Variants in PLSCR5 observed in about 807,000 individuals in gnomAD.
PLSCR5 encodes the protein phospholipid scramblase family member 5.
Under a neutral mutation model 33.6 loss-of-function variants are expected in PLSCR5, and 44 were observed. The observed-to-expected ratio is 1.31, with a 90% CI of 1.03 to 1.69. PLSCR5 has a LOEUF of 1.69. PLSCR5 is among the 40% of genes most tolerant of loss of function. PLSCR5 has a pLI of 0.00. For missense variants in PLSCR5, 375 were observed against 318.7 expected (o/e 1.18, Z -1.34); for synonymous variants, 148 against 112.3 (o/e 1.32, Z -2.01).
intron 7 of PLSCR5, among the ~76,000 whole-genome samples, chr3:146,578,561 AAC>A (rs1227506528): frequency 1.3e-5 from 2 of 152,102 alleles, no homozygotes; most frequent in African/African-American, 2.4e-5. Flanking sequence ...ACAAAAAGCT[AAC>A]AGTTTTGTAA....
intron 4 of PLSCR5, among the ~76,000 whole-genome samples, chr3:146,592,944 A>G (rs1054541279): frequency 5.3e-5 from 8 of 152,192 alleles, no homozygotes; most frequent in Admixed American, 5.2e-4. Context: ...CTTGGGCTCC[A>G]TGCACGAGCA....
intron 5 of PLSCR5, among the ~76,000 whole-genome samples, chr3:146,590,915 T>C (rs1231042797): frequency 6.6e-6 from 1 of 152,048 alleles, no homozygotes; most frequent in Admixed American, 6.6e-5. Flanking sequence ...TTAAGATAGT[T>C]TATATTGCTA....
chr3:146,594,987 A>G, intron 3 of PLSCR5, 54 bp downstream of exon 3: 1 of 1,160,154 alleles, frequency 8.6e-7, no homozygotes, highest in South Asian at 2.6e-5. Flanking sequence ...ACTTCTGAAA[A>G]CTAAAATATT....
intron 6 of PLSCR5, among the ~76,000 whole-genome samples, chr3:146,588,944 T>TC (rs1431957938): frequency 7.4e-6 from 1 of 135,994 alleles, no homozygotes; most frequent in Non-Finnish European, 1.7e-5. Context: ...TGTGTTTATA[T>TC]ATCAACAAAT....
rs573239212 is a variant in PLSCR5, at chr3:146,580,710, G to A, written c.*45-3985C>T. On this transcript the variant is annotated intron_variant, in intron 7 of 7. Transcript: ENST00000482567. ...ACTCCTGAGCTCAGGCAAGCCGCCCGCCTTGGCCTCTCAAAGTGCTGGGAT... is the reference window on the plus strand; with the variant it reads ...ACTCCTGAGCTCAGGCAAGCCGCCCACCTTGGCCTCTCAAAGTGCTGGGAT... 2.0e-5 allele frequency among the ~76,000 whole-genome samples: 3 copies of A among 152,186 alleles called. No individual in the cohort carries two copies. The East Asian group carries it at 5.8e-4, about 29-fold the overall frequency.
chr3:146,597,170 G>A (rs1299248044), intron 2 of PLSCR5, among the ~76,000 whole-genome samples: 1 of 152,092 alleles, frequency 6.6e-6, no homozygotes, highest in African/African-American at 2.4e-5. Context: ...ATTAATTGAA[G>A]TCCACCTGAC....
chr3:146,590,447 T>G (rs1160975548), intron 5 of PLSCR5: 1 of 152,042 alleles, frequency 6.6e-6, no homozygotes, highest in Non-Finnish European at 1.5e-5. Context: ...ATGTACCATA[T>G]AGGAAGTTAA....
intron 2 of PLSCR5, 131 bp downstream of exon 2, chr3:146,600,157 A>G: frequency 1.5e-6 from 1 of 648,498 alleles, no homozygotes; most frequent in Admixed American, 4.4e-5. Flanking sequence ...TAATTTTATG[A>G]TTTATAATGC....
downstream of PLSCR5, among the ~76,000 whole-genome samples, chr3:146,580,947 C>T (rs1267667497): frequency 6.6e-6 from 1 of 152,132 alleles, no homozygotes. Context: ...TGATTGTTCA[C>T]TCCTTGCATT....
At chr3:146,588,271 C>T (rs2044681099) in intron 6 of PLSCR5, among the ~76,000 whole-genome samples, 1 of 152,032 alleles carries the variant, frequency 6.6e-6, no homozygotes, top group African/African-American at 2.4e-5. Context: ...AAGATCGAGA[C>T]CATCCTGGCT....
At chr3:146,596,311 C>T (rs1188227494) in intron 2 of PLSCR5, among the ~76,000 whole-genome samples, 2 of 152,124 alleles carry the variant, frequency 1.3e-5, no homozygotes, top group African/African-American at 4.8e-5. Flanking sequence ...GCCTCAGCCA[C>T]CTGAGCAGTT....
intron 1 of PLSCR5, among the ~76,000 whole-genome samples, chr3:146,603,929 C>T (rs754136197): frequency 6.6e-6 from 1 of 151,988 alleles, no homozygotes; most frequent in African/African-American, 2.4e-5. Context: ...TTTGTGTGAG[C>T]TTTCTCAGTG....
intron 2 of PLSCR5, among the ~76,000 whole-genome samples, chr3:146,599,758 G>T (rs2044795266): frequency 6.6e-6 from 1 of 150,472 alleles, no homozygotes; most frequent in Non-Finnish European, 1.5e-5. Flanking sequence ...GCTCATTGTA[G>T]CCTTGACCTT....
intron 2 of PLSCR5, among the ~76,000 whole-genome samples, chr3:146,596,222 T>C (rs1016887386): frequency 2.0e-5 from 3 of 152,234 alleles, no homozygotes; most frequent in Admixed American, 6.5e-5. Flanking sequence ...AGAGTTCAGC[T>C]TTGTGGCCCA....
chr3:146,580,369 C>T (rs1042452056), intron 7 of PLSCR5, among the ~76,000 whole-genome samples: 1 of 69,336 alleles, frequency 1.4e-5, no homozygotes, highest in East Asian at 4.3e-4. Flanking sequence ...TCATTTCTCT[C>T]TCTTCTTGTT....
rs565135324 is a variant in PLSCR5, at chr3:146,586,045, A to G, written c.*29T>C. 62 of 1,472,756 alleles carry G rather than the reference A, an allele frequency of 4.2e-5. No homozygotes were observed. The East Asian group carries it at 4.8e-4, about 11-fold the overall frequency. The allele number at this position is 1,472,756 out of a possible 1,614,324, so 91.2% of individuals were successfully genotyped here. ...TTTTACTTACTGAAATATGTTCTGC[A>G]TATTTTATTGTTTTCATTATCTTGG... On this transcript the variant is annotated 3_prime_UTR_variant, in exon 7 of 8. Coordinates refer to ENST00000443512, the MANE Select transcript of PLSCR5 (RefSeq NM_001085420.2).
chr3:146,590,185 T>C (rs1239387662), intron 5 of PLSCR5: 1 of 158,142 alleles, frequency 6.3e-6, no homozygotes, highest in Non-Finnish European at 1.4e-5. Context: ...ATTTTAAACC[T>C]GAATTCTCCA....
At chr3:146,581,103 T>C (rs971040501), downstream of PLSCR5, among the ~76,000 whole-genome samples, 6 of 152,230 alleles carry the variant, frequency 3.9e-5, no homozygotes, top group Admixed American at 1.3e-4. Flanking sequence ...GCAATAGCTT[T>C]AGTCCAGTGA....
intron 7 of PLSCR5, among the ~76,000 whole-genome samples, chr3:146,576,923 T>C (rs1458193734): frequency 1.3e-5 from 2 of 152,002 alleles, no homozygotes; most frequent in African/African-American, 2.4e-5. Flanking sequence ...ATAAAAGTTA[T>C]ACTATTTTGT....
Sources: allele counts gnomAD v4.1 joint callset (sites outside exome capture counted in the v4.1 genomes callset), GRCh38; gene constraint gnomAD v4.1.1; transcripts MANE v1.5; gene names NCBI Gene and HGNC (gene_info 2026-07-23, HGNC 2026-07-21).